Variants in RPL3L observed in about 807,000 individuals in gnomAD.
RPL3L encodes ribosomal protein L3 like.
In RPL3L, 44 loss-of-function variants were observed where a neutral mutation model predicts 44.5. The observed-to-expected ratio is 0.99, with a 90% CI of 0.78 to 1.27. RPL3L has a LOEUF of 1.27. Among genes scored for constraint, RPL3L ranks in the 50% most tolerant of loss-of-function variants. RPL3L has a pLI of 0.00. For missense variants in RPL3L, 631 were observed against 569.1 expected, an observed-to-expected ratio of 1.11 and a Z score of -1.11; for synonymous variants, 292 against 230.7, an observed-to-expected ratio of 1.27 and a Z score of -2.41.
intron 3 of RPL3L, among the ~76,000 whole-genome samples, chr16:1,951,767 T>C (rs2083173594): frequency 6.8e-6 from 1 of 147,178 alleles, no homozygotes; most frequent in Admixed American, 6.8e-5. Flanking sequence ...ATTATTATTA[T>C]TATTCCCATT....
At chr16:1,950,402 G>C (rs1002920436) in intron 4 of RPL3L, among the ~76,000 whole-genome samples, 1 of 152,000 alleles carries the variant, frequency 6.6e-6, no homozygotes, top group African/African-American at 2.4e-5. Context: ...CACTGCTCTA[G>C]GGCCTCGGGA....
intron 4 of RPL3L, 131 bp from the exon 5 acceptor site, chr16:1,947,511 TTGCAACCCATGTGTTGTGCTAGGC>T (rs958702427): frequency 1.8e-6 from 2 of 1,142,438 alleles, no homozygotes; most frequent in Non-Finnish European, 2.4e-6. Flanking sequence ...CAGGATCAGG[TTGCAACCCATGTGTTGTGCTAGGC>T]ACTGCGGATC....
intron 7 of RPL3L, 110 bp downstream of exon 7, chr16:1,946,515 G>T: frequency 8.8e-7 from 1 of 1,139,264 alleles, no homozygotes; most frequent in Non-Finnish European, 1.3e-6. Context: ...GTCCAGCTGA[G>T]GCTGGGGCAT....
intron 3 of RPL3L, 33 bp downstream of exon 3, chr16:1,952,841 C>A (rs1241098369): frequency 6.2e-7 from 1 of 1,611,390 alleles, no homozygotes; most frequent in East Asian, 2.2e-5. Context: ...GTCCCAGCAG[C>A]CCTTGGACGG....
At chr16:1,948,850 G>A (rs1341114469) in intron 4 of RPL3L, among the ~76,000 whole-genome samples, 1 of 152,034 alleles carries the variant, frequency 6.6e-6, no homozygotes, top group Non-Finnish European at 1.5e-5. Context: ...CGAGTAGCTG[G>A]GACTACAGGT....
At chr16:1,949,009 C>CTTT (rs34900670) in intron 4 of RPL3L, among the ~76,000 whole-genome samples, 3 of 124,660 alleles carry the variant, frequency 2.4e-5, no homozygotes, top group Non-Finnish European at 4.9e-5. Context: ...CCGCGCCTGG[C>CTTT]TTTTTTTTTT....
At chr16:1,953,508 C>T (rs2083185716) in intron 2 of RPL3L, among the ~76,000 whole-genome samples, 1 of 152,220 alleles carries the variant, frequency 6.6e-6, no homozygotes, top group Admixed American at 6.5e-5. Context: ...GCGTGAGCCA[C>T]CATGCCCGGC....
chr16:1,944,667 T>G lies in RPL3L; in HGVS notation c.*170A>C. ...TCTGTGTGAATTACTCTTTCTCTAT[T>G]GCAATTCCCCTGTCTTAATGAATCG... On this transcript the variant is annotated 3_prime_UTR_variant, in exon 10 of 10. Coordinates refer to ENST00000268661, the MANE Select transcript of RPL3L (RefSeq NM_005061.3). 5 of 728,828 alleles carry G rather than the reference T, an allele frequency of 6.9e-6. No homozygotes were observed. The highest frequency in any genetic ancestry group is 9.5e-6 in the Non-Finnish European group (4 of 420,482). 45.1% of individuals were successfully genotyped at this position (728,828 alleles called of 1,614,324 possible).
rs1348659334 is a variant in RPL3L at position 1,945,554 on chromosome 16, G to T, written c.1112C>A (p.Thr371Asn). The change falls in exon 9 of 10, where the codon ACC (threonine) becomes AAC (asparagine). Residue 371 changes from threonine (T) to asparagine (N), a missense_variant. Coordinates refer to ENST00000268661, the MANE Select transcript of RPL3L (RefSeq NM_005061.3). The stretch of plus-strand genomic sequence containing the variant: ...GAAGCGGCCATGGCCGAACTTGGAG[G>T]TGGTGTCAATGAACTTGAGCTCAAT... ...ENIELKFIDT[T>N]SKFGHGRFQT... 1 of 1,613,874 alleles carries T rather than the reference G, an allele frequency of 6.2e-7. No individual in the cohort carries two copies. Among genetic ancestry groups the T allele is most frequent in the Non-Finnish European group, 8.5e-7 (1 of 1,179,958 alleles).
chr16:1,946,296 G>A (rs1275114296), intron 7 of RPL3L, among the ~76,000 whole-genome samples: 1 of 152,232 alleles, frequency 6.6e-6, no homozygotes, highest in Admixed American at 6.5e-5. Context: ...CCACATGACA[G>A]CAGCTGGAGT....
At chr16:1,951,026 C>G in intron 3 of RPL3L, 47 bp from the exon 4 acceptor site, 1 of 1,598,924 alleles carries the variant, frequency 6.3e-7, no homozygotes, top group Non-Finnish European at 8.5e-7. Context: ...ACCGGGGCAG[C>G]TCCCCAGGCC....
intron 4 of RPL3L, among the ~76,000 whole-genome samples, chr16:1,949,259 C>CTTTTTTTTTTTTTTTTT (rs58248501): frequency 6.6e-5 from 5 of 75,234 alleles, no homozygotes; most frequent in Admixed American, 1.6e-4. Flanking sequence ...TTTTTTTTTT[C>CTTTTTTTTTTTTTTTTT]TTTTTTTTTT....
In RPL3L at chr16:1,947,146, T is replaced by C. The variant is rs563744217; in HGVS notation, c.688+48A>G. On this transcript the variant is annotated intron_variant, in intron 5 of 9. Transcript: ENST00000268661. ...GCTGAGAGGCCAGGCTGGTCCCCAC[T>C]GCCTCCAGGCAGCCTGCCCTGGAGC... 1.5e-4 allele frequency: 245 copies of C among 1,613,042 alleles called. 4 individuals carry two copies. The South Asian group carries it at 2.4e-3, about 16-fold the overall frequency.
In RPL3L at chr16:1,947,284, G is replaced by T; in HGVS notation, c.598C>A (p.Arg200=). ...TGCACGGGCACCTGCTTCTCCAGCC[G>T]GGCCTGGGCCCAGGCCACCTTCTCG... ...VAEKVAWAQA[R]LEKQVPVHSV... is the part of the protein sequence containing the mutation. The change falls in exon 5 of 10, where the codon CGG becomes AGG. Residue 200 remains arginine, a synonymous_variant. Coordinates refer to ENST00000268661, the MANE Select transcript of RPL3L (RefSeq NM_005061.3). 1 of 1,613,214 alleles carries T rather than the reference G, an allele frequency of 6.2e-7. No individual in the cohort carries two copies. The highest frequency in any genetic ancestry group is 8.5e-7 in the Non-Finnish European group (1 of 1,179,848).
Position 1,946,931 on chromosome 16 carries a change from G to A in RPL3L, c.849+7C>T, listed in dbSNP as rs1236539691. On this transcript the variant is annotated splice_region_variant and intron_variant, in intron 6 of 9. Coordinates refer to ENST00000268661, the MANE Select transcript of RPL3L (RefSeq NM_005061.3). ...ACAGTGTCCCCGTACCCCGGCTGAG[G>A]ACGCACCTTCTTGTTGAGCTCCGTG... 1.7e-5 allele frequency: 27 copies of A among 1,595,756 alleles called. No individual in the cohort carries two copies. The highest frequency in any genetic ancestry group is 2.3e-5 in the Non-Finnish European group (27 of 1,170,786).
chr16:1,945,441 A>G (rs1184692214), intron 9 of RPL3L, 58 bp downstream of exon 9: 1 of 1,555,330 alleles, frequency 6.4e-7, no homozygotes, highest in Non-Finnish European at 8.7e-7. Flanking sequence ...CTACTCGGGC[A>G]GGCTGGATGT....
chr16:1,954,194 G>C lies in RPL3L; in HGVS notation c.4-46C>G, dbSNP rs1487024817. 7 of 1,484,120 alleles carry C rather than the reference G, an allele frequency of 4.7e-6. No homozygotes were observed. The South Asian group carries it at 9.5e-5, about 20-fold the overall frequency. 91.9% of individuals were successfully genotyped at this position (1,484,120 alleles called of 1,614,324 possible). Reference sequence around the variant, plus strand: ...AGGTCAGACCTGGGGTGTCCCTGGTGGTAGAGCTGGATGGTCCCAGAACCC... The same window carrying C: ...AGGTCAGACCTGGGGTGTCCCTGGTCGTAGAGCTGGATGGTCCCAGAACCC... On this transcript the variant is annotated intron_variant, in intron 1 of 9. Transcript: ENST00000268661.
chr16:1,949,619 G>A (rs1049178479), intron 4 of RPL3L, among the ~76,000 whole-genome samples: 1 of 146,890 alleles, frequency 6.8e-6, no homozygotes, highest in Non-Finnish European at 1.5e-5. Context: ...GCTGTGCAAT[G>A]TAGAGGTGGA....
At position 1,944,804 on chromosome 16, in the gene RPL3L, G is replaced by A. The variant is rs1482957231; in HGVS notation, c.*33C>T. ...TGTTAGACATTGGGGCAGACAGTGC[G>A]GTGCGCTTCAGGGTTCATCCACCCC... On this transcript the variant is annotated 3_prime_UTR_variant, in exon 10 of 10. Coordinates refer to ENST00000268661, the MANE Select transcript of RPL3L (RefSeq NM_005061.3). 10 of 1,613,594 alleles carry A rather than the reference G, an allele frequency of 6.2e-6. No homozygotes were observed. The highest frequency in any genetic ancestry group is 5.9e-6 in the Non-Finnish European group (7 of 1,179,688).
Sources: allele counts gnomAD v4.1 joint callset (sites outside exome capture counted in the v4.1 genomes callset), GRCh38; gene constraint gnomAD v4.1.1; transcripts MANE v1.5; gene names NCBI Gene and HGNC (gene_info 2026-07-23, HGNC 2026-07-21).